Variants in MGA observed in about 807,000 individuals in gnomAD.
The protein encoded by MGA is MAX gene-associated protein.
Under a neutral mutation model 261.1 loss-of-function variants are expected in MGA, and 40 were observed. The ratio of observed to expected loss-of-function variants is 0.15; its 90% CI spans 0.12 to 0.20. The LOEUF is 0.20. MGA is among the 10% of genes least tolerant of loss of function. The probability of loss-of-function intolerance (pLI) is 1.00; values close to 1 mark genes in which losing one functional copy is unlikely to be tolerated. For synonymous variants in MGA, 1,302 were observed against 1,290.6 expected (o/e 1.01, Z -0.19); for missense variants, 3,397 against 3,630.5 (o/e 0.94, Z 1.65).
intron 1 of MGA, among the ~76,000 whole-genome samples, chr15:41,627,187 G>C (rs1213126690): frequency 6.6e-6 from 1 of 152,132 alleles, no homozygotes; most frequent in Non-Finnish European, 1.5e-5. Flanking sequence ...ACAGGTGTGA[G>C]CCACCACACC....
intron 9 of MGA, chr15:41,718,734 C>G (rs1485763623): frequency 5.4e-6 from 1 of 185,288 alleles, no homozygotes; most frequent in Admixed American, 6.1e-5. Context: ...GGTAAAAATT[C>G]TCAGCACACT....
At chr15:41,739,723 G>A (rs1408321877) in intron 13 of MGA, among the ~76,000 whole-genome samples, 183 bp from the exon 14 acceptor site, 1 of 152,160 alleles carries the variant, frequency 6.6e-6, no homozygotes, top group Non-Finnish European at 1.5e-5. Flanking sequence ...AATATCAGTT[G>A]ACAGCATTTT....
chr15:41,651,631 T>TCTCTCCTCTCCC (rs1390822281), intron 1 of MGA, among the ~76,000 whole-genome samples: 6 of 129,270 alleles, frequency 4.6e-5, no homozygotes, highest in African/African-American at 1.5e-4. Flanking sequence ...TCTCTCCTCT[T>TCTCTCCTCTCCC]CTCTCCTCTC....
chr15:41,639,630 C>G (rs971873791), intron 1 of MGA, among the ~76,000 whole-genome samples: 1 of 151,856 alleles, frequency 6.6e-6, no homozygotes, highest in Non-Finnish European at 1.5e-5. Flanking sequence ...CTGCAAGCAC[C>G]GTCTCCTAGG....
At chr15:41,672,607 T>C (rs2058121198) in intron 2 of MGA, among the ~76,000 whole-genome samples, 1 of 152,214 alleles carries the variant, frequency 6.6e-6, no homozygotes, top group African/African-American at 2.4e-5. Flanking sequence ...CTCCAAGAAA[T>C]AGCATTATCT....
chr15:41,700,561 C>G (rs577714891), intron 5 of MGA, among the ~76,000 whole-genome samples: 1 of 152,250 alleles, frequency 6.6e-6, no homozygotes, highest in Admixed American at 6.5e-5. Flanking sequence ...CATGTCCCTG[C>G]AAAGGGCATG....
intron 9 of MGA, among the ~76,000 whole-genome samples, chr15:41,717,034 G>A (rs1455238638): frequency 6.6e-6 from 1 of 152,118 alleles, no homozygotes; most frequent in African/African-American, 2.4e-5. Context: ...TGATAAGGAG[G>A]CTTCATTCTC....
chr15:41,631,560 G>A (rs913526622), intron 1 of MGA, among the ~76,000 whole-genome samples: 3 of 152,118 alleles, frequency 2.0e-5, no homozygotes, highest in African/African-American at 7.2e-5. Flanking sequence ...ATGGTAGAAT[G>A]TCATTTATCC....
intron 1 of MGA, among the ~76,000 whole-genome samples, chr15:41,622,071 T>C (rs1176084536): frequency 6.6e-6 from 1 of 152,120 alleles, no homozygotes; most frequent in Non-Finnish European, 1.5e-5. Context: ...GTCACGTGCC[T>C]TCGACTGCGC....
At chr15:41,622,628 G>A (rs1286687385) in intron 1 of MGA, among the ~76,000 whole-genome samples, 1 of 152,134 alleles carries the variant, frequency 6.6e-6, no homozygotes, top group Non-Finnish European at 1.5e-5. Context: ...TCATAACTGC[G>A]GAGATGGGGA....
chr15:41,635,838 A>G (rs529123983), intron 1 of MGA, among the ~76,000 whole-genome samples: 1 of 152,184 alleles, frequency 6.6e-6, no homozygotes, highest in Non-Finnish European at 1.5e-5. Context: ...TTGCATAGTG[A>G]TAGGGTAGCT....
In MGA at chr15:41,750,571, G is replaced by C. The variant is rs775511817; in HGVS notation, c.6964G>C (p.Val2322Leu). ...TGATTCTATTGATGAAATTGTGGAT[G>C]TTGTTTCTGACTACCAGAGTGAGGA... Residue 2322 changes from valine (V) to leucine (L), a missense_variant, in exon 17 of 24, where the codon GTT becomes CTT. By Grantham distance (32) the Val-to-Leu change is conservative. Around this residue, in one of 9 missense-constraint regions of MGA, gnomAD observed 1,410 missense variants for 1,386.4 expected, o/e 1.02. Coordinates refer to ENST00000219905, the MANE Select transcript of MGA (RefSeq NM_001164273.2). 1 of 1,611,288 alleles carries C rather than the reference G, an allele frequency of 6.2e-7. No individual in the cohort carries two copies. The highest frequency in any genetic ancestry group is 2.2e-5 in the East Asian group (1 of 44,838).
At chr15:41,624,072 A>ATT (rs946340051) in intron 1 of MGA, among the ~76,000 whole-genome samples, 2 of 132,758 alleles carry the variant, frequency 1.5e-5, no homozygotes, top group Non-Finnish European at 3.3e-5. Flanking sequence ...AGCAAATTAA[A>ATT]TTTTTTTTTT....
chr15:41,686,303 A>C (rs2058965048), intron 2 of MGA, among the ~76,000 whole-genome samples: 1 of 152,180 alleles, frequency 6.6e-6, no homozygotes, highest in Admixed American at 6.5e-5. Flanking sequence ...ACTTGAGCCC[A>C]GGAGCTTGAA....
At chr15:41,682,980 A>G (rs1029512664) in intron 2 of MGA, among the ~76,000 whole-genome samples, 1 of 152,080 alleles carries the variant, frequency 6.6e-6, no homozygotes, top group Non-Finnish European at 1.5e-5. Flanking sequence ...ATTTCTTCTT[A>G]CGTGTTGGGA....
intron 20 of MGA, 87 bp downstream of exon 20, chr15:41,760,616 G>C: frequency 1.5e-6 from 2 of 1,355,890 alleles, no homozygotes; most frequent in Non-Finnish European, 2.1e-6. Context: ...GACATATAAG[G>C]GAGATTGAAA....
At position 41,736,697 on chromosome 15, in the gene MGA, A is replaced by G; in HGVS notation, c.4433A>G (p.Gln1478Arg). Residue 1478 changes from glutamine (Q) to arginine (R), a missense_variant and splice_region_variant, in exon 13 of 24, where the codon CAG becomes CGG. Gln to Arg is a conservative substitution (Grantham distance 43). Transcript: ENST00000219905. ...AGTTCAAGTACATCTGGGCTTATCCAGGTGAGAATTATCTTTAATCTGGGT... is the reference window on the plus strand; with the variant it reads ...AGTTCAAGTACATCTGGGCTTATCCGGGTGAGAATTATCTTTAATCTGGGT... 1 of 1,596,826 alleles carries G rather than the reference A, an allele frequency of 6.3e-7. No homozygotes were observed. The highest frequency in any genetic ancestry group is 1.1e-5 in the South Asian group (1 of 88,078).
Position 41,742,881 on chromosome 15 carries a change from T to C in MGA, c.4921T>C (p.Ser1641Pro). The C allele has an allele frequency of 1.9e-6, 3 of 1,614,042 alleles. No individual in the cohort carries two copies. Among genetic ancestry groups the C allele is most frequent in the Non-Finnish European group, 2.5e-6 (3 of 1,179,894 alleles). Residue 1641 changes from serine (S) to proline (P), a missense_variant, in exon 15 of 24, where the codon TCT becomes CCT. Ser to Pro is a moderately conservative substitution (Grantham distance 74). This residue lies in a region of MGA where 1,410 missense variants were observed against 1,386.4 expected (regional missense o/e 1.02). Transcript: ENST00000219905. ...CACCACTACAGGGGTTGTTGAGGTC[T>C]CTGAAACTAATACCAGCACCTCTGT...
At chr15:41,661,868 A>T (rs912976229) in intron 1 of MGA, among the ~76,000 whole-genome samples, 3 of 152,054 alleles carry the variant, frequency 2.0e-5, no homozygotes, top group Admixed American at 1.3e-4. Flanking sequence ...CTCCAAGGTA[A>T]CAGAACGCGG....
Sources: gnomAD v4.1 joint callset for allele counts (sites outside exome capture counted in the v4.1 genomes callset) on GRCh38, gnomAD v4.1.1 for gene constraint, gnomAD v4.1.1 regional missense constraint, MANE v1.5 for transcripts, NCBI Gene and HGNC (gene_info 2026-07-23, HGNC 2026-07-21) for gene names.